Variants in MMADHC observed in about 807,000 individuals in gnomAD.
The protein encoded by MMADHC is metabolism of cobalamin associated D.
A neutral mutation model predicts 36.3 loss-of-function variants in MMADHC; 23 were observed. The observed-to-expected ratio is 0.63, with a 90% CI of 0.46 to 0.90. The LOEUF (loss-of-function observed/expected upper bound fraction) is 0.90, where lower values mean the gene tolerates loss of function less well. MMADHC is among the 40% of genes least tolerant of loss of function. The pLI is 0.00. For synonymous variants in MMADHC, 97 were observed against 116.1 expected (o/e 0.84, Z 1.06); for missense variants, 330 against 348.0 (o/e 0.95, Z 0.41).
chr2:149,586,864 A>C (rs1682877772), intron 2 of MMADHC: 2 of 525,644 alleles, frequency 3.8e-6, no homozygotes, highest in Non-Finnish European at 6.7e-6. Flanking sequence ...TTGAATTTCC[A>C]CATCTGTACA....
chr2:149,586,350 T>C (rs1682868092), intron 2 of MMADHC, among the ~76,000 whole-genome samples: 1 of 152,122 alleles, frequency 6.6e-6, no homozygotes, highest in Non-Finnish European at 1.5e-5. Context: ...ACTTTTCAGT[T>C]TTTCAAAGGG....
chr2:149,575,960 ATTAG>A (rs1452448786), intron 5 of MMADHC, 119 bp from the exon 6 acceptor site: 10 of 741,074 alleles, frequency 1.3e-5, no homozygotes, highest in East Asian at 5.5e-5. Context: ...TTACTGTGGT[ATTAG>A]TTAATTTTTA....
At chr2:149,580,882 T>C (rs148543376) in intron 3 of MMADHC, among the ~76,000 whole-genome samples, 71 of 152,330 alleles carry the variant, frequency 4.7e-4, no homozygotes, top group African/African-American at 1.5e-3. Context: ...TCTGATTTAA[T>C]AGGTCTGGAG....
intron 6 of MMADHC, among the ~76,000 whole-genome samples, chr2:149,575,177 T>C (rs1214425065): frequency 6.6e-6 from 1 of 152,210 alleles, no homozygotes; most frequent in East Asian, 1.9e-4. Flanking sequence ...GAAATATATC[T>C]ATGTGTAAGC....
At chr2:149,570,282 A>G (rs1682620451) in intron 7 of MMADHC, 114 bp from the exon 8 acceptor site, 1 of 927,472 alleles carries the variant, frequency 1.1e-6, no homozygotes, top group Non-Finnish European at 1.7e-6. Context: ...AAAAAACTAA[A>G]TAAGTAAAAA....
chr2:149,570,538 A>G lies in MMADHC; in HGVS notation c.697-370T>C, dbSNP rs1287776353. The stretch of plus-strand genomic sequence containing the variant: ...ATATCTTATTTGACTTTGAGAAGAA[A>G]TGGTATATATTCCTATCTTAAGATT... On this transcript the variant is annotated intron_variant, in intron 7 of 7. Transcript: ENST00000303319. 2.0e-5 allele frequency among the ~76,000 whole-genome samples: 3 copies of G among 152,218 alleles called. No individual in the cohort carries two copies. The East Asian group carries it at 5.8e-4, about 29-fold the overall frequency.
intron 2 of MMADHC, among the ~76,000 whole-genome samples, chr2:149,586,693 A>G (rs986468877): frequency 6.6e-5 from 10 of 152,172 alleles, no homozygotes; most frequent in Non-Finnish European, 1.5e-4. Context: ...CTTATTTTGT[A>G]GGATTTAGAA....
At chr2:149,572,874 G>C (rs1682664424) in intron 6 of MMADHC, among the ~76,000 whole-genome samples, 1 of 152,090 alleles carries the variant, frequency 6.6e-6, no homozygotes, top group African/African-American at 2.4e-5. Flanking sequence ...TTTCAGCTGA[G>C]ATCTCCAGAA....
chr2:149,572,975 T>TA (rs1465753147), intron 6 of MMADHC, among the ~76,000 whole-genome samples: 1 of 152,214 alleles, frequency 6.6e-6, no homozygotes, highest in Admixed American at 6.5e-5. Flanking sequence ...CCTGTTTGGA[T>TA]AAACAGTTTT....
rs1230277078 is a variant in MMADHC, at chr2:149,579,358, AAT to A, written c.372+71_372+72del. 5.3e-6 allele frequency: 7 copies of A among 1,333,210 alleles called. No homozygotes were observed. The Admixed American group carries it at 9.3e-5, about 18-fold the overall frequency. 82.6% of individuals were successfully genotyped at this position (1,333,210 alleles called of 1,614,324 possible). ...GATTTTTTACTTTTTCAACAAAAGT[AAT>A]ATGCTTATAATAATCAAGTCATATA... On this transcript the variant is annotated intron_variant, in intron 4 of 7. Transcript: ENST00000303319.
intron 3 of MMADHC, among the ~76,000 whole-genome samples, chr2:149,581,609 G>C (rs929557223): frequency 6.6e-6 from 1 of 151,902 alleles, no homozygotes; most frequent in African/African-American, 2.4e-5. Flanking sequence ...CTTGAACAAA[G>C]CTTCATGGCT....
intron 2 of MMADHC, among the ~76,000 whole-genome samples, chr2:149,583,849 T>TC (rs1682826722): frequency 6.6e-6 from 1 of 152,174 alleles, no homozygotes; most frequent in Admixed American, 6.5e-5. Context: ...TAAAAATATC[T>TC]CCCCAACATT....
chr2:149,584,765 T>C (rs568387149), intron 2 of MMADHC, among the ~76,000 whole-genome samples: 2 of 152,248 alleles, frequency 1.3e-5, no homozygotes, highest in African/African-American at 4.8e-5. Flanking sequence ...TTCTCAAATC[T>C]TGGCTGGGTG....
At chr2:149,582,449 TA>T (rs1370393252) in intron 2 of MMADHC, among the ~76,000 whole-genome samples, 178 bp from the exon 3 acceptor site, 2 of 151,892 alleles carry the variant, frequency 1.3e-5, no homozygotes, top group Non-Finnish European at 2.9e-5. Context: ...AAAATAAAAA[TA>T]AAAATTAAAA....
At chr2:149,570,272 A>C in intron 7 of MMADHC, 104 bp from the exon 8 acceptor site, 1 of 982,086 alleles carries the variant, frequency 1.0e-6, no homozygotes, top group Non-Finnish European at 1.6e-6. Flanking sequence ...CCAAATATTT[A>C]AAAAACTAAA....
intron 4 of MMADHC, among the ~76,000 whole-genome samples, chr2:149,578,825 G>A (rs1417579297): frequency 1.3e-5 from 2 of 151,534 alleles, no homozygotes; most frequent in African/African-American, 4.8e-5. Flanking sequence ...TATGAAAAAT[G>A]ATAACCATCA....
intron 4 of MMADHC, among the ~76,000 whole-genome samples, chr2:149,577,043 C>T (rs1038300797): frequency 1.3e-5 from 2 of 151,948 alleles, no homozygotes; most frequent in Non-Finnish European, 2.9e-5. Context: ...CAGGAGCAGG[C>T]GCTGCAATGG....
At chr2:149,576,583 C>A in intron 4 of MMADHC, 41 bp from the exon 5 acceptor site, 1 of 1,328,180 alleles carries the variant, frequency 7.5e-7, no homozygotes, top group South Asian at 1.2e-5. Context: ...ATCTGGAGTT[C>A]AAATAAAACG....
rs765537256 is a variant in MMADHC at position 149,570,023 on chromosome 2, G to A, written c.842C>T (p.Thr281Ile). The change falls in exon 8 of 8, where the codon ACT becomes ATT. Residue 281 changes from threonine (T) to isoleucine (I), a missense_variant. Transcript: ENST00000303319. ...GTHVVVGSIF[T>I]NATPDSHIMK... Reference sequence around the variant, plus strand: ...AATATGGCTGTCTGGTGTTGCATTAGTGAAGATACTCCCTACAACTACATG... The same window carrying A: ...AATATGGCTGTCTGGTGTTGCATTAATGAAGATACTCCCTACAACTACATG... 1 of 1,613,634 alleles carries A rather than the reference G, an allele frequency of 6.2e-7. No individual in the cohort carries two copies. Among genetic ancestry groups the A allele is most frequent in the Non-Finnish European group, 8.5e-7 (1 of 1,179,694 alleles).
Sources: allele counts gnomAD v4.1 joint callset (sites outside exome capture counted in the v4.1 genomes callset), GRCh38; gene constraint gnomAD v4.1.1; transcripts MANE v1.5; gene names NCBI Gene and HGNC (gene_info 2026-07-23, HGNC 2026-07-21).